Variants in ARHGAP24 observed in about 807,000 individuals in gnomAD.
ARHGAP24 encodes Rho GTPase activating protein 24.
A neutral mutation model predicts 76.4 loss-of-function variants in ARHGAP24; 50 were observed. That is an observed-to-expected ratio of 0.65 (90% CI 0.52 to 0.83). ARHGAP24 has a LOEUF of 0.83. ARHGAP24 is among the 40% of genes least tolerant of loss of function. The pLI is 0.00. For synonymous variants in ARHGAP24, 345 were observed against 323.3 expected (o/e 1.07, Z -0.72); for missense variants, 930 against 914.2 (o/e 1.02, Z -0.22).
chr4:85,641,227 G>T (rs995621614), intron 2 of ARHGAP24, among the ~76,000 whole-genome samples: 1 of 152,136 alleles, frequency 6.6e-6, no homozygotes, highest in African/African-American at 2.4e-5. Context: ...CTTGCGCGTA[G>T]TGGGACTCAG....
At chr4:85,697,865 CAG>C (rs1247672621) in intron 2 of ARHGAP24, among the ~76,000 whole-genome samples, 1 of 152,084 alleles carries the variant, frequency 6.6e-6, no homozygotes, top group Non-Finnish European at 1.5e-5. Flanking sequence ...AGGGAGGTGT[CAG>C]AGAGTCATTA....
intron 3 of ARHGAP24, among the ~76,000 whole-genome samples, chr4:85,836,217 A>G (rs547108084): frequency 1.3e-5 from 2 of 152,330 alleles, no homozygotes; most frequent in African/African-American, 4.8e-5. Flanking sequence ...TGTGTGTGTC[A>G]CAGAGTAGGA....
chr4:85,777,995 G>C (rs1727372762), intron 3 of ARHGAP24, among the ~76,000 whole-genome samples: 1 of 152,076 alleles, frequency 6.6e-6, no homozygotes, highest in Non-Finnish European at 1.5e-5. Context: ...AAAAAATCTT[G>C]ATAGATTGAA....
chr4:85,686,391 G>A (rs1723422739), intron 2 of ARHGAP24, among the ~76,000 whole-genome samples: 2 of 152,198 alleles, frequency 1.3e-5, no homozygotes, highest in Non-Finnish European at 2.9e-5. Flanking sequence ...TGCGAAGTGA[G>A]TATCCTGTAT....
At chr4:85,547,631 C>T (rs1363258495) in intron 1 of ARHGAP24, among the ~76,000 whole-genome samples, 1 of 152,024 alleles carries the variant, frequency 6.6e-6, no homozygotes, top group Non-Finnish European at 1.5e-5. Context: ...GATGGGTTTT[C>T]ATTATGTTGC....
At chr4:85,894,201 T>C (rs929230814) in intron 3 of ARHGAP24, among the ~76,000 whole-genome samples, 1 of 151,220 alleles carries the variant, frequency 6.6e-6, no homozygotes, top group East Asian at 1.9e-4. Flanking sequence ...TTAAAGTTAA[T>C]ATAGTACATC....
intron 3 of ARHGAP24, among the ~76,000 whole-genome samples, chr4:85,910,876 G>T (rs1002065465): frequency 1.3e-5 from 2 of 152,034 alleles, no homozygotes; most frequent in African/African-American, 2.4e-5. Flanking sequence ...GTCATCCCCG[G>T]CCTGAAGGTG....
intron 3 of ARHGAP24, among the ~76,000 whole-genome samples, chr4:85,771,594 A>G (rs947840527): frequency 6.6e-6 from 1 of 152,240 alleles, no homozygotes; most frequent in Non-Finnish European, 1.5e-5. Flanking sequence ...CACTAGACCC[A>G]GTCAAGTTTA....
intron 1 of ARHGAP24, among the ~76,000 whole-genome samples, chr4:85,507,219 T>TATC (rs1724089874): frequency 6.6e-6 from 1 of 152,032 alleles, no homozygotes; most frequent in Non-Finnish European, 1.5e-5. Context: ...AATATTTTAT[T>TATC]ATTATTATTA....
At chr4:85,574,054 A>G (rs1320086291) in intron 2 of ARHGAP24, among the ~76,000 whole-genome samples, 1 of 152,218 alleles carries the variant, frequency 6.6e-6, no homozygotes, top group Non-Finnish European at 1.5e-5. Flanking sequence ...AAACATTCCT[A>G]ACCAGCTGGA....
chr4:85,812,844 T>C (rs1232566201), intron 3 of ARHGAP24, among the ~76,000 whole-genome samples: 2 of 152,196 alleles, frequency 1.3e-5, no homozygotes, highest in Non-Finnish European at 2.9e-5. Flanking sequence ...AGGAACTGAA[T>C]CATCTGGCCG....
intron 3 of ARHGAP24, among the ~76,000 whole-genome samples, chr4:85,909,597 G>A (rs535079261): frequency 2.0e-5 from 3 of 152,106 alleles, no homozygotes; most frequent in Admixed American, 6.5e-5. Flanking sequence ...CTGGTTTACC[G>A]ACTTCTAATA....
intron 1 of ARHGAP24, among the ~76,000 whole-genome samples, chr4:85,501,316 G>T (rs1440316312): frequency 6.6e-6 from 1 of 152,160 alleles, no homozygotes; most frequent in Non-Finnish European, 1.5e-5. Flanking sequence ...TTCCACAATG[G>T]TTGAACTAGT....
chr4:85,657,497 C>A (rs1722216540), intron 2 of ARHGAP24, among the ~76,000 whole-genome samples: 1 of 152,006 alleles, frequency 6.6e-6, no homozygotes, highest in Non-Finnish European at 1.5e-5. Flanking sequence ...AACAGAAAAT[C>A]TTTAATATCT....
intron 2 of ARHGAP24, among the ~76,000 whole-genome samples, chr4:85,624,119 C>G (rs1720828826): frequency 1.3e-5 from 2 of 152,284 alleles, no homozygotes; most frequent in South Asian, 2.1e-4. Flanking sequence ...ACTTCCAACA[C>G]TATGTTGAAT....
At chr4:85,478,110 A>T (rs1257261571) in intron 1 of ARHGAP24, among the ~76,000 whole-genome samples, 1 of 152,178 alleles carries the variant, frequency 6.6e-6, no homozygotes, top group Non-Finnish European at 1.5e-5. Flanking sequence ...GTGGGTGTGG[A>T]GGAGGTTGGT....
intron 2 of ARHGAP24, among the ~76,000 whole-genome samples, chr4:85,687,329 G>T (rs1723459250): frequency 6.6e-6 from 1 of 152,022 alleles, no homozygotes; most frequent in Non-Finnish European, 1.5e-5. Flanking sequence ...TGCTCCATGG[G>T]TATATTACAT....
intron 2 of ARHGAP24, among the ~76,000 whole-genome samples, chr4:85,683,417 A>G (rs998263363): frequency 6.6e-6 from 1 of 152,194 alleles, no homozygotes; most frequent in African/African-American, 2.4e-5. Context: ...ACATGGATCT[A>G]TAAAAAGACC....
chr4:85,800,004 G>A (rs1031155908), intron 3 of ARHGAP24, among the ~76,000 whole-genome samples: 2 of 152,126 alleles, frequency 1.3e-5, no homozygotes, highest in Admixed American at 6.5e-5. Context: ...GAAGACTAAA[G>A]AGACATAAAA....
Sources: allele counts gnomAD v4.1 joint callset (sites outside exome capture counted in the v4.1 genomes callset), GRCh38; gene constraint gnomAD v4.1.1; transcripts MANE v1.5; gene names NCBI Gene and HGNC (gene_info 2026-07-23, HGNC 2026-07-21).